PDGFD: variants seen among roughly 807,000 people sequenced by gnomAD.
PDGFD encodes the protein platelet-derived growth factor D.
Under a neutral mutation model 44.7 loss-of-function variants are expected in PDGFD, and 30 were observed. The observed-to-expected ratio is 0.67, with a 90% CI of 0.50 to 0.91. PDGFD has a LOEUF of 0.91. PDGFD is among the 40% of genes least tolerant of loss of function. The probability of loss-of-function intolerance (pLI) is 0.00; values close to 1 mark genes in which losing one functional copy is unlikely to be tolerated. For missense variants in PDGFD, 445 were observed against 457.8 expected, an observed-to-expected ratio of 0.97 and a Z score of 0.25; for synonymous variants, 173 against 168.4, an observed-to-expected ratio of 1.03 and a Z score of -0.21.
chr11:103,941,102 T>C (rs1367693276), intron 5 of PDGFD, among the ~76,000 whole-genome samples: 3 of 152,106 alleles, frequency 2.0e-5, no homozygotes, highest in African/African-American at 7.2e-5. Context: ...TAAAGTAGTG[T>C]TTCTTGACAC....
chr11:104,113,155 T>A (rs1861585578), intron 1 of PDGFD, among the ~76,000 whole-genome samples: 1 of 152,164 alleles, frequency 6.6e-6, no homozygotes, highest in African/African-American at 2.4e-5. Flanking sequence ...AAATTGCCTA[T>A]ACCAAAGATT....
rs143427976 is a variant in PDGFD, at chr11:103,925,822, G to A, written c.987+1090C>T. On this transcript the variant is annotated intron_variant, in intron 6 of 6. Transcript: ENST00000393158. The stretch of plus-strand genomic sequence containing the variant: ...CAGCTCACTGCAACCTCCGCCTCCC[G>A]GGTTCAAGTGATTCTCCCGCCTCAG... Among the ~76,000 whole-genome samples, 1,298 of 150,536 alleles carry A rather than the reference G, an allele frequency of 8.6e-3. 20 individuals carry two copies. Among genetic ancestry groups the A allele is most frequent in the African/African-American group, 0.03 (1,238 of 41,026 alleles).
At chr11:104,016,198 G>A (rs983962503) in intron 1 of PDGFD, among the ~76,000 whole-genome samples, 1 of 152,158 alleles carries the variant, frequency 6.6e-6, no homozygotes, top group African/African-American at 2.4e-5. Flanking sequence ...TCAGGAGGTA[G>A]ATACTTTCAG....
chr11:103,927,122 G>A lies in PDGFD; in HGVS notation c.777C>T (p.Asp259=). ...TGGCATCATCATTGAGCCTATCCAG[G>A]TCAACTGTAAGCAAATACATGCACT... ...RSYHDRKSKV[D]LDRLNDDAKR... is the part of the protein sequence containing the mutation. Residue 259 remains aspartate, a synonymous_variant, in exon 6 of 7, where the codon GAC becomes GAT. Coordinates refer to ENST00000393158, the MANE Select transcript of PDGFD (RefSeq NM_025208.5). 1 of 1,613,840 alleles carries A rather than the reference G, an allele frequency of 6.2e-7. No homozygotes were observed. The highest frequency in any genetic ancestry group is 8.5e-7 in the Non-Finnish European group (1 of 1,179,838).
chr11:103,994,727 T>C (rs1296631519), intron 3 of PDGFD, among the ~76,000 whole-genome samples: 1 of 151,970 alleles, frequency 6.6e-6, no homozygotes, highest in Non-Finnish European at 1.5e-5. Flanking sequence ...AAAGTGAAAA[T>C]TGATCCTAAA....
intron 1 of PDGFD, among the ~76,000 whole-genome samples, chr11:104,090,815 C>T (rs941645857): frequency 6.6e-6 from 1 of 152,088 alleles, no homozygotes; most frequent in Non-Finnish European, 1.5e-5. Flanking sequence ...GGTCCAGCAG[C>T]TAAGTGCCTT....
At chr11:104,134,581 C>T (rs532017086) in intron 1 of PDGFD, among the ~76,000 whole-genome samples, 1 of 152,312 alleles carries the variant, frequency 6.6e-6, no homozygotes, top group Non-Finnish European at 1.5e-5. Flanking sequence ...CTCATGCACT[C>T]ACTCATTCAT....
chr11:104,036,806 C>G, intron 1 of PDGFD: 1 of 1,604,868 alleles, frequency 6.2e-7, no homozygotes, highest in Non-Finnish European at 8.5e-7. Flanking sequence ...CTAGCCCGGC[C>G]CGCCCGGGCC....
chr11:104,135,897 T>C (rs1296652480), intron 1 of PDGFD, among the ~76,000 whole-genome samples: 3 of 150,794 alleles, frequency 2.0e-5, no homozygotes, highest in Admixed American at 6.6e-5. Context: ...GAGCTAATGA[T>C]AAAATATATT....
rs1198529368 is a variant in PDGFD, at chr11:103,925,716, C to CACACATATATATAT, written c.987+1195_987+1196insATATATATATGTGT. 9.7e-4 allele frequency among the ~76,000 whole-genome samples: 119 copies of CACACATATATATAT among 122,776 alleles called. 2 individuals carry two copies. Among genetic ancestry groups the CACACATATATATAT allele is most frequent in the African/African-American group, 2.6e-3 (82 of 31,094 alleles). The allele number at this position is 122,776 out of a possible 152,430, so 80.5% of individuals were successfully genotyped here. A position where few individuals can be genotyped will look rare whatever the true frequency, so the allele number is the denominator to read the frequency against. On this transcript the variant is annotated intron_variant, in intron 6 of 6. Transcript: ENST00000393158. ...ATATATATACACAGACACACACACA[C>CACACATATATATAT]ATATATATATATATATATATGTAAT...
chr11:103,926,886 C>T (rs1858323323), intron 6 of PDGFD, 26 bp downstream of exon 6: 6 of 1,597,002 alleles, frequency 3.8e-6, no homozygotes, highest in South Asian at 1.1e-5. Context: ...TTAAGCATTG[C>T]AACAAGAAAT....
chr11:104,106,088 A>C (rs1861468400), intron 1 of PDGFD, among the ~76,000 whole-genome samples: 1 of 152,162 alleles, frequency 6.6e-6, no homozygotes, highest in South Asian at 2.1e-4. Context: ...GGTAATACAT[A>C]TATTAGAAAC....
intron 1 of PDGFD, among the ~76,000 whole-genome samples, chr11:104,132,715 T>C (rs1013575078): frequency 1.3e-5 from 2 of 152,118 alleles, no homozygotes; most frequent in Non-Finnish European, 2.9e-5. Flanking sequence ...AATACCATTA[T>C]CCTTTTCTCA....
chr11:104,135,185 C>A (rs946394907), intron 1 of PDGFD, among the ~76,000 whole-genome samples: 12 of 152,030 alleles, frequency 7.9e-5, no homozygotes, highest in Admixed American at 5.2e-4. Flanking sequence ...CAGTTTCTGG[C>A]ACAAAATAAG....
intron 5 of PDGFD, among the ~76,000 whole-genome samples, chr11:103,938,583 C>G (rs1257733259): frequency 3.3e-5 from 5 of 152,192 alleles, no homozygotes; most frequent in African/African-American, 1.2e-4. Flanking sequence ...TCAATTTTGG[C>G]TTTTGTTGCC....
chr11:104,017,771 G>A (rs1281916472), intron 1 of PDGFD, among the ~76,000 whole-genome samples: 1 of 152,126 alleles, frequency 6.6e-6, no homozygotes, highest in Non-Finnish European at 1.5e-5. Flanking sequence ...TTTTGTGAGG[G>A]AGACCTAAAG....
At chr11:104,139,304 A>G (rs1214939110) in intron 1 of PDGFD, among the ~76,000 whole-genome samples, 1 of 152,150 alleles carries the variant, frequency 6.6e-6, no homozygotes, top group Admixed American at 6.5e-5. Context: ...GCATCCTGAG[A>G]GCTTCCTCAG....
rs989244290 is a variant in PDGFD, at chr11:104,137,217, C to T, written c.124+26587G>A. Among the ~76,000 whole-genome samples, 25 of 152,200 alleles carry T rather than the reference C, an allele frequency of 1.6e-4. 1 individual carries two copies. The South Asian group carries it at 4.8e-3, about 29-fold the overall frequency. ...TAGAATTTCAGTAACAAAAGAAGAT[C>T]CTTTGTTTGATATGGGCCAATACAG... is the stretch of plus-strand genomic sequence containing the variant. On this transcript the variant is annotated intron_variant, in intron 1 of 6. Transcript: ENST00000393158.
intron 1 of PDGFD, among the ~76,000 whole-genome samples, chr11:104,095,373 T>A (rs1861269999): frequency 6.6e-6 from 1 of 152,044 alleles, no homozygotes; most frequent in South Asian, 2.1e-4. Flanking sequence ...ATAAACAATA[T>A]TTTGATTATT....
Sources: gnomAD v4.1 joint callset for allele counts (sites outside exome capture counted in the v4.1 genomes callset) on GRCh38, gnomAD v4.1.1 for gene constraint, MANE v1.5 for transcripts, NCBI Gene and HGNC (gene_info 2026-07-23, HGNC 2026-07-21) for gene names.